DDX3X: variants seen among roughly 807,000 people sequenced by gnomAD.
DDX3X encodes the protein DEAD-box helicase 3 X-linked.
Under a neutral mutation model 52.7 loss-of-function variants are expected in DDX3X, and 4 were observed. The observed-to-expected ratio is 0.08, with a 90% confidence interval of 0.04 to 0.17. The LOEUF is 0.17. DDX3X is among the 10% of genes least tolerant of loss of function. The pLI, the probability that DDX3X is intolerant of heterozygous loss-of-function variation, is 1.00. For synonymous variants in DDX3X, 192 were observed against 178.1 expected (o/e 1.08, Z -0.62); for missense variants, 222 against 548.6 (o/e 0.40, Z 5.95).
intron 2 of DDX3X, chrX:41,338,678 A>G (rs2063805570): frequency 8.9e-6 from 1 of 112,470 alleles, no homozygotes; most frequent in South Asian, 3.6e-4. Flanking sequence ...TTAAATTGTT[A>G]CAGTAATACT....
chrX:41,357,328 A>T (rs769263247), intron 5 of DDX3X, among the ~76,000 whole-genome samples: 22 of 111,334 alleles, frequency 2.0e-4, no homozygotes, highest in African/African-American at 6.8e-4. Context: ...TAGCTCTTCT[A>T]GTTCCTTTGC....
chrX:41,351,801 T>A (rs1354927701), downstream of DDX3X: 1 of 111,447 alleles, frequency 9.0e-6, no homozygotes, highest in Non-Finnish European at 1.9e-5. Flanking sequence ...CTCTTAGTTT[T>A]CTCTACATAC....
chrX:41,352,524 T>G (rs2063993034), downstream of DDX3X, among the ~76,000 whole-genome samples: 1 of 111,478 alleles, frequency 9.0e-6, no homozygotes, highest in African/African-American at 3.3e-5. Context: ...ATGGGATCTT[T>G]CAGTGCAAGG....
At chrX:41,356,893 A>T (rs1421229101) in intron 5 of DDX3X, among the ~76,000 whole-genome samples, 1 of 102,294 alleles carries the variant, frequency 9.8e-6, no homozygotes, top group African/African-American at 3.6e-5. Context: ...CTATATGCCT[A>T]TCCTTCCACC....
In DDX3X at chrX:41,347,835, T is replaced by A; in HGVS notation, c.*116T>A. On this transcript the variant is annotated 3_prime_UTR_variant, in exon 17 of 17. Coordinates refer to ENST00000644876, the MANE Select transcript of DDX3X (RefSeq NM_001356.5). ...CTCGCAGTACATTACCAGCTGTGAT[T>A]CTCCACTGAAATTTTTTTTTTAAGG... 2.0e-6 allele frequency: 1 copy of A among 496,893 alleles called. No homozygotes were observed. The highest frequency in any genetic ancestry group is 3.3e-6 in the Non-Finnish European group (1 of 302,159). The allele number at this position is 496,893 out of a possible 1,213,427, so 40.9% of individuals were successfully genotyped here.
intron 10 of DDX3X, among the ~76,000 whole-genome samples, chrX:41,344,926 C>A (rs989748957): frequency 6.3e-5 from 7 of 111,654 alleles, no homozygotes; most frequent in African/African-American, 9.8e-5. Flanking sequence ...TTGAGACTTA[C>A]AACAATGATC....
chrX:41,352,187 C>G (rs1273432278), downstream of DDX3X, among the ~76,000 whole-genome samples: 1 of 111,521 alleles, frequency 9.0e-6, no homozygotes, highest in Non-Finnish European at 1.9e-5. Flanking sequence ...TTCCTCCCCC[C>G]TCTTCAAAGG....
intron 5 of DDX3X, among the ~76,000 whole-genome samples, chrX:41,356,460 T>C (rs978894960): frequency 1.1e-5 from 1 of 88,785 alleles, no homozygotes; most frequent in African/African-American, 4.3e-5. Flanking sequence ...ATTTCTTTTT[T>C]TTTTTTTTTT....
downstream of DDX3X, chrX:41,350,865 T>C (rs2063979535): frequency 8.9e-6 from 1 of 111,781 alleles, no homozygotes; most frequent in Non-Finnish European, 1.9e-5. Flanking sequence ...ATACTAGCGG[T>C]TTGATACGTT....
At chrX:41,338,807 G>A (rs1161144633) in intron 2 of DDX3X, 1 of 134,239 alleles carries the variant, frequency 7.4e-6, no homozygotes, top group Non-Finnish European at 1.5e-5. Context: ...TCAACTATTA[G>A]GTTCCAAATC....
chrX:41,340,666 G>A (rs2063837476), intron 3 of DDX3X: 4 of 280,897 alleles, frequency 1.4e-5, no homozygotes, highest in Admixed American at 6.4e-5. Flanking sequence ...GCTTATAGTA[G>A]ATGAACCACT....
downstream of DDX3X, among the ~76,000 whole-genome samples, chrX:41,354,132 G>A (rs2063999698): frequency 9.0e-6 from 1 of 110,707 alleles, no homozygotes. Context: ...TATCCTTCAC[G>A]CAGTTTCCCC....
At chrX:41,334,322 C>T (rs375742107) in intron 1 of DDX3X, 25 bp downstream of exon 1, 9 of 1,205,947 alleles carry the variant, frequency 7.5e-6, no homozygotes, top group South Asian at 1.8e-5. Flanking sequence ...CCCCACCGGG[C>T]TGGCTGCTGC....
In DDX3X at chrX:41,364,447, A is replaced by C. The variant is rs1387440529; in HGVS notation, c.*160A>C. ...CTGGCCCTCTTATTACATGAGAAAA[A>C]TAAACACCTATGCACCTTGGCCTCA... On this transcript the variant is annotated 3_prime_UTR_variant, in exon 6 of 6. Coordinates refer to the DDX3X transcript ENST00000616050. 3 of 289,976 alleles carry C rather than the reference A, an allele frequency of 1.0e-5. No individual in the cohort carries two copies. The Admixed American group carries it at 1.9e-4, about 18-fold the overall frequency. 23.9% of individuals were successfully genotyped at this position (289,976 alleles called of 1,213,427 possible). A position where few individuals can be genotyped will look rare whatever the true frequency, so the allele number is the denominator to read the frequency against.
chrX:41,360,457 A>T (rs773094952), intron 5 of DDX3X, among the ~76,000 whole-genome samples: 1 of 106,568 alleles, frequency 9.4e-6, no homozygotes, highest in Non-Finnish European at 1.9e-5. Flanking sequence ...TTGTTTGTTT[A>T]TTTGAGACAG....
At chrX:41,353,556 G>A (rs2063997280), downstream of DDX3X, among the ~76,000 whole-genome samples, 1 of 106,852 alleles carries the variant, frequency 9.4e-6, no homozygotes, top group Admixed American at 1.0e-4. Flanking sequence ...TTGGGAGGTG[G>A]GTGGAGTTCA....
At position 41,343,960 on chromosome X, in the gene DDX3X, G is replaced by A. The variant is rs1282941130; in HGVS notation, c.766-70G>A. The A allele has an allele frequency of 3.0e-6, 3 of 1,014,175 alleles. No homozygotes were observed. In the African/African-American group the frequency reaches 5.8e-5, roughly 20 times the overall value. The allele number at this position is 1,014,175 out of a possible 1,213,427, so 83.6% of individuals were successfully genotyped here. On this transcript the variant is annotated intron_variant, in intron 8 of 16. Transcript: ENST00000644876. ...ATCTGTAATCTATAAATTACAAAAG[G>A]GAATTATGTTGTGATGAACTTTTCA...
At chrX:41,362,956 A>T (rs2064035197) in intron 5 of DDX3X, among the ~76,000 whole-genome samples, 1 of 111,779 alleles carries the variant, frequency 8.9e-6, no homozygotes, top group South Asian at 3.7e-4. Flanking sequence ...AAAGGATCTA[A>T]CATGAAAGCA....
intron 7 of DDX3X, 158 bp from the exon 8 acceptor site, chrX:41,343,579 A>G: frequency 1.8e-6 from 1 of 541,073 alleles, no homozygotes; most frequent in Non-Finnish European, 2.9e-6. Context: ...CAGTTTGCTG[A>G]CTCCTCTTAG....
Sources: allele counts gnomAD v4.1 joint callset (sites outside exome capture counted in the v4.1 genomes callset), GRCh38; gene constraint gnomAD v4.1.1; transcripts MANE v1.5; gene names NCBI Gene and HGNC (gene_info 2026-07-23, HGNC 2026-07-21).